The following LITAFD variants were observed in gnomAD, a reference collection of about 807,000 sequenced individuals.
The protein encoded by LITAFD is lITAF domain-containing protein.
At chr16:8,884,076 GAA>G (rs2061553852) in intron 2 of LITAFD, among the ~76,000 whole-genome samples, 1 of 151,748 alleles carries the variant, frequency 6.6e-6, no homozygotes, top group South Asian at 2.1e-4. Flanking sequence ...AAAATAAAAA[GAA>G]AAAAGAAAAA....
At chr16:8,883,544 A>C (rs1955779419) in intron 2 of LITAFD, among the ~76,000 whole-genome samples, 1 of 151,868 alleles carries the variant, frequency 6.6e-6, no homozygotes, top group Admixed American at 6.6e-5. Context: ...GGGCCTGTAT[A>C]CAGTAGGCAC....
chr16:8,884,116 C>T (rs1414495938), intron 2 of LITAFD, among the ~76,000 whole-genome samples: 1 of 152,156 alleles, frequency 6.6e-6, no homozygotes, highest in Non-Finnish European at 1.5e-5. Context: ...CTGGAAACCC[C>T]ACTTCCAGCT....
chr16:8,882,953 G>A lies in LITAFD; in HGVS notation c.-110-257G>A, dbSNP rs980278427. Among the ~76,000 whole-genome samples, 37 of 152,190 alleles carry A rather than the reference G, an allele frequency of 2.4e-4. 2 individuals are homozygous for A. Among genetic ancestry groups the A allele is most frequent in the East Asian group, 5.8e-4 (3 of 5,176 alleles). ...GTTTTCCAAGTGATTCTCCTGCCTC[G>A]GCATCCCGAGTAGCTGGGATTACAG... On this transcript the variant is annotated intron_variant, in intron 1 of 3. Coordinates refer to ENST00000636296, the Ensembl canonical transcript of LITAFD.
intron 3 of LITAFD, 111 bp downstream of exon 3, chr16:8,884,576 A>G (rs1485573421): frequency 1.3e-5 from 5 of 397,416 alleles, no homozygotes; most frequent in African/African-American, 8.2e-5. Context: ...AGGACCAAGC[A>G]TAGGGGAGGC....
At chr16:8,884,056 C>T (rs1396307081) in intron 2 of LITAFD, among the ~76,000 whole-genome samples, 1 of 152,178 alleles carries the variant, frequency 6.6e-6, no homozygotes, top group Non-Finnish European at 1.5e-5. Flanking sequence ...CAGAGTGAGA[C>T]TCCGTCTCCA....
intron 2 of LITAFD, among the ~76,000 whole-genome samples, chr16:8,883,894 A>G (rs2061552984): frequency 6.6e-6 from 1 of 152,094 alleles, no homozygotes; most frequent in African/African-American, 2.4e-5. Flanking sequence ...GCAAAACCCC[A>G]TCTCTACTAA....
intron 3 of LITAFD, 37 bp downstream of exon 3, chr16:8,884,502 G>T (rs972777291): frequency 7.8e-6 from 2 of 256,392 alleles, no homozygotes; most frequent in Non-Finnish European, 1.5e-5. Flanking sequence ...AGAGGCCTGA[G>T]CATTGGTAGG....
exon 4 of LITAFD, chr16:8,885,310 AATGCCAGG>A: frequency 2.5e-6 from 1 of 398,834 alleles, no homozygotes; most frequent in Middle Eastern, 6.3e-4. Flanking sequence ...CCAAGAAATA[AATGCCAGG>A]GGTGCCACCT....
chr16:8,883,372 G>A (rs1013613101), intron 2 of LITAFD, 86 bp downstream of exon 2: 2 of 152,252 alleles, frequency 1.3e-5, no homozygotes, highest in Non-Finnish European at 2.9e-5. Flanking sequence ...CCTGACCTCT[G>A]ACCAAGACTC....
chr16:8,883,502 A>G (rs577276217), intron 2 of LITAFD, among the ~76,000 whole-genome samples: 1 of 152,156 alleles, frequency 6.6e-6, no homozygotes, highest in South Asian at 2.1e-4. Flanking sequence ...CCACCGAAGC[A>G]TCTCTCTCCA....
At chr16:8,882,780 C>A (rs994475742) in intron 1 of LITAFD, 2 of 152,326 alleles carry the variant, frequency 1.3e-5, no homozygotes, top group Admixed American at 1.3e-4. Context: ...CTAATGACTC[C>A]CCCACATCAG....
chr16:8,883,330 C>G (rs2061550270), intron 2 of LITAFD, 44 bp downstream of exon 2: 1 of 152,468 alleles, frequency 6.6e-6, no homozygotes, highest in Admixed American at 6.5e-5. Flanking sequence ...GCTTTCTGTC[C>G]CCTGCTCGGA....
intron 3 of LITAFD, 103 bp from the exon 4 acceptor site, chr16:8,885,084 C>A: frequency 2.5e-6 from 1 of 399,226 alleles, no homozygotes; most frequent in Non-Finnish European, 4.4e-6. Context: ...AACATACACA[C>A]ACACGCCCAG....
chr16:8,884,846 A>G (rs2061558148), intron 3 of LITAFD, among the ~76,000 whole-genome samples: 1 of 152,158 alleles, frequency 6.6e-6, no homozygotes, highest in Non-Finnish European at 1.5e-5. Context: ...GCACTTTGGG[A>G]GGCCGAGGTG....
chr16:8,885,004 C>G (rs2061559050), intron 3 of LITAFD, 183 bp from the exon 4 acceptor site: 1 of 398,428 alleles, frequency 2.5e-6, no homozygotes, highest in South Asian at 1.3e-4. Flanking sequence ...GCAGGGGAGG[C>G]AGAGGTTGCA....
At position 8,883,306 on chromosome 16, in the gene LITAFD, G is replaced by T. The variant is rs552219463; in HGVS notation, c.-34+20G>T. On this transcript the variant is annotated intron_variant, in intron 2 of 3. Coordinates refer to ENST00000636296, the Ensembl canonical transcript of LITAFD. ...GTTCAGGTAGGTGAGTGCCCCTGCCGGCCTTCCCTTGTCGCTTTCTGTCCC... is the reference window on the plus strand; with the variant it reads ...GTTCAGGTAGGTGAGTGCCCCTGCCTGCCTTCCCTTGTCGCTTTCTGTCCC... 1 of 152,390 alleles carries T rather than the reference G, an allele frequency of 6.6e-6. No individual in the cohort carries two copies. The highest frequency in any genetic ancestry group is 1.5e-5 in the Non-Finnish European group (1 of 68,312). The allele number at this position is 152,390 out of a possible 1,614,324, so 9.4% of individuals were successfully genotyped here.
rs566090379 is a variant in LITAFD at position 8,883,678 on chromosome 16, T to A, written c.-34+392T>A. 2.6e-5 allele frequency among the ~76,000 whole-genome samples: 4 copies of A among 152,124 alleles called. No homozygotes were observed. In the South Asian group the frequency reaches 8.3e-4, roughly 31 times the overall value. On this transcript the variant is annotated intron_variant, in intron 2 of 3. Transcript: ENST00000636296. ...CCTGGGTTTTGGGAATTTAAACAAA[T>A]TTTCCAAGGAATTCTCAGGCAGTCT...
chr16:8,884,554 G>A lies in LITAFD; in HGVS notation c.110+89G>A, dbSNP rs112836961. On this transcript the variant is annotated intron_variant, in intron 3 of 3. Transcript: ENST00000636296. ...TCCCTGCAGGGTAGGGGGAGCTTTC[G>A]GGGAAAATAGCAGGACCAAGCATAG... The A allele has an allele frequency of 1.2e-3, 485 of 398,030 alleles. 2 individuals carry two copies. The highest frequency in any genetic ancestry group is 7.6e-3 in the African/African-American group (372 of 48,738). The allele number at this position is 398,030 out of a possible 1,614,324, so 24.7% of individuals were successfully genotyped here.
At chr16:8,884,894 G>A (rs2141144047) in intron 3 of LITAFD, among the ~76,000 whole-genome samples, 1 of 152,266 alleles carries the variant, frequency 6.6e-6, no homozygotes, top group Middle Eastern at 3.4e-3. Flanking sequence ...AGACCAGCCT[G>A]ACCAATGTGC....
Sources: allele counts gnomAD v4.1 joint callset (sites outside exome capture counted in the v4.1 genomes callset), GRCh38; gene constraint gnomAD v4.1.1; transcripts MANE v1.5; gene names NCBI Gene and HGNC (gene_info 2026-07-23, HGNC 2026-07-21).